LRRC1: variants seen among roughly 807,000 people sequenced by gnomAD.
LRRC1 encodes leucine rich repeat containing 1.
A neutral mutation model predicts 69.9 loss-of-function variants in LRRC1; 28 were observed. The observed-to-expected ratio is 0.40, with a 90% CI of 0.30 to 0.55. LRRC1 has a LOEUF of 0.55. LRRC1 is among the 20% of genes least tolerant of loss of function. The pLI is 0.47. For synonymous variants in LRRC1, 236 were observed against 240.2 expected (o/e 0.98, Z 0.16); for missense variants, 498 against 609.0 (o/e 0.82, Z 1.92).
chr6:53,908,896 T>C lies in LRRC1; in HGVS notation c.990+4434T>C, dbSNP rs182961191. Among the ~76,000 whole-genome samples, 136 of 152,260 alleles carry C rather than the reference T, an allele frequency of 8.9e-4. No individual in the cohort carries two copies. In the East Asian group the frequency reaches 0.023, roughly 26 times the overall value. On this transcript the variant is annotated intron_variant, in intron 10 of 13. Coordinates refer to ENST00000370888, the MANE Select transcript of LRRC1 (RefSeq NM_018214.5). Reference sequence around the variant, plus strand: ...CTAATGTGAAACAATTTCAGCCTCATCAGTATTCACAAAAAAATTTAATAA... The same window carrying C: ...CTAATGTGAAACAATTTCAGCCTCACCAGTATTCACAAAAAAATTTAATAA...
intron 2 of LRRC1, among the ~76,000 whole-genome samples, chr6:53,857,168 G>A (rs999527262): frequency 6.6e-6 from 1 of 152,176 alleles, no homozygotes; most frequent in South Asian, 2.1e-4. Context: ...TCATCCATCT[G>A]TCGGTGATGG....
chr6:53,806,629 T>G (rs922281191), intron 1 of LRRC1, among the ~76,000 whole-genome samples: 1 of 152,204 alleles, frequency 6.6e-6, no homozygotes, highest in East Asian at 1.9e-4. Context: ...TGACTTGATG[T>G]CCCAGAGTGA....
At chr6:53,871,914 C>T (rs544843278) in intron 2 of LRRC1, among the ~76,000 whole-genome samples, 20 of 152,226 alleles carry the variant, frequency 1.3e-4, no homozygotes, top group Admixed American at 1.0e-3. Flanking sequence ...GTGATCGGCC[C>T]GCCTTGGCTT....
intron 4 of LRRC1, among the ~76,000 whole-genome samples, chr6:53,890,572 T>G (rs1413574836): frequency 2.0e-5 from 3 of 152,190 alleles, no homozygotes; most frequent in Non-Finnish European, 4.4e-5. Flanking sequence ...AGTAAATCCT[T>G]TTTTTGAAAA....
At chr6:53,829,962 AC>A (rs1307027770) in intron 1 of LRRC1, among the ~76,000 whole-genome samples, 1 of 152,118 alleles carries the variant, frequency 6.6e-6, no homozygotes, top group African/African-American at 2.4e-5. Context: ...GACTCAGAGA[AC>A]TCTTGAGGTG....
At chr6:53,834,205 T>C (rs569441152) in intron 1 of LRRC1, among the ~76,000 whole-genome samples, 2 of 152,220 alleles carry the variant, frequency 1.3e-5, no homozygotes, top group Non-Finnish European at 2.9e-5. Flanking sequence ...ATGTTTGTTA[T>C]ATCTCTGTGC....
At chr6:53,880,224 CCTT>C (rs1400003296) in intron 3 of LRRC1, among the ~76,000 whole-genome samples, 1 of 152,034 alleles carries the variant, frequency 6.6e-6, no homozygotes, top group Non-Finnish European at 1.5e-5. Flanking sequence ...TTCTGCTTGT[CCTT>C]CTTTGAATTG....
At chr6:53,889,150 A>G (rs921834857) in intron 4 of LRRC1, among the ~76,000 whole-genome samples, 1 of 152,218 alleles carries the variant, frequency 6.6e-6, no homozygotes. Context: ...CAAAACCACA[A>G]TGAGATGCTA....
chr6:53,846,703 CTGGTAACATT>C (rs1445331691), intron 2 of LRRC1, among the ~76,000 whole-genome samples: 1 of 152,206 alleles, frequency 6.6e-6, no homozygotes, highest in Non-Finnish European at 1.5e-5. Flanking sequence ...TCTGAATTTG[CTGGTAACATT>C]TTGTCTACAA....
intron 1 of LRRC1, among the ~76,000 whole-genome samples, chr6:53,825,478 A>G (rs1357903246): frequency 6.6e-6 from 1 of 152,172 alleles, no homozygotes; most frequent in Admixed American, 6.5e-5. Flanking sequence ...TAACACTGGG[A>G]ATTGGCAGAT....
chr6:53,838,619 A>G (rs1178924997), intron 1 of LRRC1, among the ~76,000 whole-genome samples: 1 of 152,216 alleles, frequency 6.6e-6, no homozygotes, highest in African/African-American at 2.4e-5. Context: ...GAAACTGTCA[A>G]GACTCTGTAC....
intron 1 of LRRC1, among the ~76,000 whole-genome samples, chr6:53,828,790 C>G (rs1262162937): frequency 6.6e-6 from 1 of 152,050 alleles, no homozygotes. Context: ...GTTTGTGGTC[C>G]TTCTCTGTTT....
intron 2 of LRRC1, among the ~76,000 whole-genome samples, chr6:53,849,053 G>A (rs993532023): frequency 7.1e-6 from 1 of 140,652 alleles, no homozygotes; most frequent in Non-Finnish European, 1.5e-5. Flanking sequence ...CACTGCGCCC[G>A]GCCTATGCTT....
chr6:53,863,458 T>C (rs982556334), intron 2 of LRRC1, among the ~76,000 whole-genome samples: 10 of 152,216 alleles, frequency 6.6e-5, no homozygotes, highest in Admixed American at 1.3e-4. Flanking sequence ...TCCCGGGCTC[T>C]TCTTCATCTC....
intron 7 of LRRC1, among the ~76,000 whole-genome samples, chr6:53,899,332 G>A (rs1767970969): frequency 6.6e-6 from 1 of 152,168 alleles, no homozygotes; most frequent in Non-Finnish European, 1.5e-5. Context: ...ATACAAAGTA[G>A]GTAGGTTCTT....
intron 2 of LRRC1, among the ~76,000 whole-genome samples, chr6:53,863,190 G>T (rs1766587284): frequency 6.6e-6 from 1 of 152,196 alleles, no homozygotes; most frequent in South Asian, 2.1e-4. Context: ...GCCAGGTCTG[G>T]ATTCATGGTT....
Position 53,842,181 on chromosome 6 carries a change from A to T in LRRC1, c.231A>T (p.Glu77Asp), listed in dbSNP as rs1429807401. The T allele has an allele frequency of 2.5e-6, 4 of 1,613,978 alleles. No individual in the cohort carries two copies. The African/African-American group carries it at 4.0e-5, about 16-fold the overall frequency. ...ATGAAATTCAGCGGCTCCCTCCAGA[A>T]ATAGCAAACTTCATGCAGCTGGTGG... Reference protein sequence around the residue: ...SDNEIQRLPPEIANFMQLVEL... With the variant: ...SDNEIQRLPPDIANFMQLVEL... The change falls in exon 2 of 14, where the codon GAA (glutamate) becomes GAT (aspartate). Residue 77 changes from glutamate (E) to aspartate (D), a missense_variant. Coordinates refer to ENST00000370888, the MANE Select transcript of LRRC1 (RefSeq NM_018214.5).
intron 2 of LRRC1, among the ~76,000 whole-genome samples, chr6:53,853,850 C>T (rs1766223664): frequency 6.6e-6 from 1 of 152,190 alleles, no homozygotes; most frequent in Non-Finnish European, 1.5e-5. Flanking sequence ...ATGGAGATGA[C>T]TTTGTCCATC....
At chr6:53,847,827 G>A (rs918203837) in intron 2 of LRRC1, among the ~76,000 whole-genome samples, 2 of 152,192 alleles carry the variant, frequency 1.3e-5, no homozygotes, top group African/African-American at 4.8e-5. Flanking sequence ...AAAAGAGCTC[G>A]TTCTGGCAAG....
Sources: allele counts gnomAD v4.1 joint callset (sites outside exome capture counted in the v4.1 genomes callset), GRCh38; gene constraint gnomAD v4.1.1; transcripts MANE v1.5; gene names NCBI Gene and HGNC (gene_info 2026-07-23, HGNC 2026-07-21).